Variants in SRGAP1 observed in about 807,000 individuals in gnomAD.
SRGAP1 encodes the protein SLIT-ROBO Rho GTPase-activating protein 1.
In SRGAP1, 43 loss-of-function variants were observed where a neutral mutation model predicts 121.9. The ratio of observed to expected loss-of-function variants is 0.35; its 90% confidence interval spans 0.28 to 0.46. The LOEUF (loss-of-function observed/expected upper bound fraction) is 0.46. Among genes scored for constraint, SRGAP1 ranks in the 20% least tolerant of loss-of-function variants. SRGAP1 has a pLI of 1.00. For missense variants in SRGAP1, 1,102 were observed against 1,350.9 expected (o/e 0.82, Z 2.89); for synonymous variants, 447 against 485.4 (o/e 0.92, Z 1.04).
At chr12:63,967,587 G>A (rs759517762) in intron 1 of SRGAP1, among the ~76,000 whole-genome samples, 1 of 152,214 alleles carries the variant, frequency 6.6e-6, no homozygotes, top group Non-Finnish European at 1.5e-5. Context: ...AAAAGCACAG[G>A]TTGCTCTGGG....
intron 10 of SRGAP1, chr12:64,081,769 C>T (rs1035098497): frequency 6.7e-6 from 1 of 150,190 alleles, no homozygotes; most frequent in Non-Finnish European, 1.5e-5. Flanking sequence ...AACTTACCTT[C>T]AAATGGTTCT....
chr12:64,103,972 A>T (rs2036299402), intron 15 of SRGAP1, among the ~76,000 whole-genome samples: 1 of 152,178 alleles, frequency 6.6e-6, no homozygotes, highest in Non-Finnish European at 1.5e-5. Flanking sequence ...GGAACTCACA[A>T]GTATGTGTGT....
chr12:63,974,673 A>G (rs76988043), intron 1 of SRGAP1, among the ~76,000 whole-genome samples: 2,187 of 152,240 alleles, frequency 0.014, 68 homozygotes, highest in African/African-American at 0.049. Flanking sequence ...TTGATTTTAT[A>G]TTATGTTCGT....
At chr12:63,922,748 AT>A (rs1199256511) in intron 1 of SRGAP1, among the ~76,000 whole-genome samples, 18 of 152,232 alleles carry the variant, frequency 1.2e-4, no homozygotes, top group Non-Finnish European at 5.9e-5. Context: ...GTCTCTCCCA[AT>A]GAACTGTAAG....
chr12:64,017,137 C>A, intron 4 of SRGAP1, 125 bp downstream of exon 4: 1 of 590,982 alleles, frequency 1.7e-6, no homozygotes, highest in Non-Finnish European at 2.9e-6. Flanking sequence ...GCTTGAAATA[C>A]AGGAACAAGG....
At chr12:63,912,553 G>A (rs866279701) in intron 1 of SRGAP1, among the ~76,000 whole-genome samples, 2 of 152,060 alleles carry the variant, frequency 1.3e-5, no homozygotes, top group Middle Eastern at 3.2e-3. Flanking sequence ...GTTTGAGGCT[G>A]CAGTGAGCTA....
At position 64,098,622 on chromosome 12, in the gene SRGAP1, A is replaced by G. The variant is rs182593058; in HGVS notation, c.1813+1247A>G. On this transcript the variant is annotated intron_variant, in intron 15 of 21. Transcript: ENST00000355086. ...CAGGCAGAGATTGCAGTGAGCCAAG[A>G]TCGTGCCACTGCACTCCAGCCTCGG... is the stretch of plus-strand genomic sequence containing the variant. Among the ~76,000 whole-genome samples, 35 of 152,000 alleles carry G rather than the reference A, an allele frequency of 2.3e-4. No individual in the cohort carries two copies. In the East Asian group the frequency reaches 6.0e-3, roughly 26 times the overall value.
At chr12:64,009,696 C>G (rs889250316) in intron 3 of SRGAP1, among the ~76,000 whole-genome samples, 13 of 152,088 alleles carry the variant, frequency 8.5e-5, no homozygotes, top group Non-Finnish European at 1.6e-4. Flanking sequence ...TCTGGTTTCT[C>G]TGTATTTGTG....
intron 1 of SRGAP1, among the ~76,000 whole-genome samples, chr12:63,932,860 C>T (rs1024820214): frequency 6.6e-6 from 1 of 152,202 alleles, no homozygotes; most frequent in Non-Finnish European, 1.5e-5. Flanking sequence ...GAAAATCACT[C>T]AGCAACCAAA....
chr12:64,143,917 T>C lies in SRGAP1; in HGVS notation c.*1245T>C, dbSNP rs531105789. The C allele has an allele frequency of 1.2e-4, 19 of 152,360 alleles. No individual in the cohort carries two copies. In the East Asian group the frequency reaches 3.7e-3, roughly 29 times the overall value. 9.4% of individuals were successfully genotyped at this position (152,360 alleles called of 1,614,324 possible). A position where few individuals can be genotyped will look rare whatever the true frequency, so the allele number is the denominator to read the frequency against. Reference sequence around the variant, plus strand: ...GCCATGCAGGGCCATCAGCAGAACATGGCCTTGTGGTTCTCACCCAGTTGT... The same window carrying C: ...GCCATGCAGGGCCATCAGCAGAACACGGCCTTGTGGTTCTCACCCAGTTGT... On this transcript the variant is annotated 3_prime_UTR_variant, in exon 22 of 22. Transcript: ENST00000355086.
chr12:64,067,741 G>A (rs757123474), intron 8 of SRGAP1, among the ~76,000 whole-genome samples: 5 of 152,144 alleles, frequency 3.3e-5, no homozygotes, highest in Admixed American at 2.0e-4. Flanking sequence ...TCTCTTTGGG[G>A]ATGAACTGAT....
At chr12:63,973,300 C>T (rs948987005) in intron 1 of SRGAP1, among the ~76,000 whole-genome samples, 1 of 152,176 alleles carries the variant, frequency 6.6e-6, no homozygotes, top group African/African-American at 2.4e-5. Context: ...GCCTGGGTCA[C>T]TTTAGCTTGC....
intron 6 of SRGAP1, among the ~76,000 whole-genome samples, chr12:64,045,520 C>T (rs1450379494): frequency 6.6e-6 from 1 of 151,700 alleles, no homozygotes; most frequent in Non-Finnish European, 1.5e-5. Flanking sequence ...ACTGCAACCT[C>T]GGCCTCCCAG....
At chr12:63,965,671 T>C (rs1356154494) in intron 1 of SRGAP1, among the ~76,000 whole-genome samples, 1 of 152,036 alleles carries the variant, frequency 6.6e-6, no homozygotes, top group Non-Finnish European at 1.5e-5. Flanking sequence ...CTGCAAAAAA[T>C]AAATAAATTT....
chr12:63,980,388 T>C (rs2033215226), intron 1 of SRGAP1, among the ~76,000 whole-genome samples: 1 of 152,218 alleles, frequency 6.6e-6, no homozygotes, highest in African/African-American at 2.4e-5. Context: ...CACAAATTTA[T>C]GCGACCAATC....
intron 8 of SRGAP1, among the ~76,000 whole-genome samples, chr12:64,072,118 G>C (rs2035649981): frequency 3.8e-5 from 4 of 106,054 alleles, no homozygotes; most frequent in African/African-American, 1.3e-4. Context: ...CTGTGTGTGT[G>C]TGTGTGTGTG....
intron 1 of SRGAP1, among the ~76,000 whole-genome samples, chr12:63,963,472 A>G (rs575827319): frequency 7.9e-5 from 12 of 152,352 alleles, no homozygotes; most frequent in Non-Finnish European, 1.6e-4. Flanking sequence ...TGTGTGTACA[A>G]TGTAGACTGA....
intron 1 of SRGAP1, among the ~76,000 whole-genome samples, chr12:63,969,334 T>C (rs1380002879): frequency 6.6e-6 from 1 of 151,872 alleles, no homozygotes; most frequent in Admixed American, 6.6e-5. Flanking sequence ...TCTAAGGTCT[T>C]AAAGCGGTGG....
Position 63,930,352 on chromosome 12 carries a change from A to AG in SRGAP1, c.68-53591dup, listed in dbSNP as rs1343302160. Among the ~76,000 whole-genome samples, 125 of 142,298 alleles carry AG rather than the reference A, an allele frequency of 8.8e-4. 2 individuals are homozygous for AG. The highest frequency in any genetic ancestry group is 1.9e-3 in the South Asian group (9 of 4,632). The allele number at this position is 142,298 out of a possible 152,430, so 93.4% of individuals were successfully genotyped here. On this transcript the variant is annotated intron_variant, in intron 1 of 21. Coordinates refer to ENST00000355086, the MANE Select transcript of SRGAP1 (RefSeq NM_020762.4). ...CTAAAAAAAAAAAAAAAAAAAAAAA[A>AG]GGGGAGCCCTCTTTTTATTCAAATC... is the stretch of plus-strand genomic sequence containing the variant.
Sources: allele counts gnomAD v4.1 joint callset (sites outside exome capture counted in the v4.1 genomes callset), GRCh38; gene constraint gnomAD v4.1.1; transcripts MANE v1.5; gene names NCBI Gene and HGNC (gene_info 2026-07-23, HGNC 2026-07-21).